Variants in CADPS2 observed in about 807,000 individuals in gnomAD.
CADPS2 encodes calcium dependent secretion activator 2.
CADPS2 carries 93 observed loss-of-function variants against 172.5 expected under a neutral mutation model. The ratio of observed to expected loss-of-function variants is 0.54; its 90% CI spans 0.46 to 0.64. CADPS2 has a LOEUF of 0.64. Among genes scored for constraint, CADPS2 ranks in the 30% least tolerant of loss-of-function variants. CADPS2 has a pLI of 0.00. For missense variants in CADPS2, 1,420 were observed against 1,565.9 expected (o/e 0.91, Z 1.57); for synonymous variants, 546 against 555.2 (o/e 0.98, Z 0.23).
intron 2 of CADPS2, among the ~76,000 whole-genome samples, chr7:122,666,704 G>C (rs2081230136): frequency 6.6e-6 from 1 of 152,052 alleles, no homozygotes; most frequent in Non-Finnish European, 1.5e-5. Flanking sequence ...GGAAGAAAAA[G>C]GGCTCTTCTT....
chr7:122,342,640 T>C (rs2075848004), intron 28 of CADPS2, among the ~76,000 whole-genome samples: 1 of 152,180 alleles, frequency 6.6e-6, no homozygotes, highest in Non-Finnish European at 1.5e-5. Context: ...AGTGAATTTC[T>C]TGAAGAGTTT....
intron 1 of CADPS2, among the ~76,000 whole-genome samples, chr7:122,755,724 G>A (rs1257379763): frequency 6.6e-6 from 1 of 150,430 alleles, no homozygotes; most frequent in Non-Finnish European, 1.5e-5. Flanking sequence ...AAAATTTAGA[G>A]AGGCTAAAAA....
At chr7:122,791,968 C>T (rs908216651) in intron 1 of CADPS2, among the ~76,000 whole-genome samples, 3 of 152,090 alleles carry the variant, frequency 2.0e-5, no homozygotes, top group Admixed American at 6.6e-5. Flanking sequence ...AGTTAAATGG[C>T]TAAATCAGTT....
At chr7:122,424,252 C>G (rs2048874919) in intron 17 of CADPS2, 1 of 794,060 alleles carries the variant, frequency 1.3e-6, no homozygotes, top group Non-Finnish European at 1.5e-6. Context: ...TAATATTCTC[C>G]CGGAATTAAC....
At position 122,508,449 on chromosome 7, in the gene CADPS2, G is replaced by GTTTT. The variant is rs1205155217; in HGVS notation, c.1542+4796_1542+4799dup. On this transcript the variant is annotated intron_variant, in intron 9 of 29. Transcript: ENST00000449022. ...TCCAGTTATTTATTTATTCATTTAA[G>GTTTT]TTTTTTTTTTTTTTTTTTTTTTTTT... 7.0e-4 allele frequency among the ~76,000 whole-genome samples: 48 copies of GTTTT among 68,434 alleles called. 3 individuals are homozygous for GTTTT. The highest frequency in any genetic ancestry group is 1.4e-3 in the African/African-American group (27 of 19,716). 44.9% of individuals were successfully genotyped at this position (68,434 alleles called of 152,430 possible).
At chr7:122,703,724 A>C (rs1221963375) in intron 2 of CADPS2, among the ~76,000 whole-genome samples, 1 of 152,032 alleles carries the variant, frequency 6.6e-6, no homozygotes, top group African/African-American at 2.4e-5. Flanking sequence ...CTTTATGGGG[A>C]AAATGTATTG....
chr7:122,640,412 T>C (rs1162505306), intron 3 of CADPS2, among the ~76,000 whole-genome samples: 2 of 151,738 alleles, frequency 1.3e-5, no homozygotes, highest in African/African-American at 4.8e-5. Context: ...TGAAAATAAT[T>C]ATCTTTCTTT....
intron 8 of CADPS2, among the ~76,000 whole-genome samples, chr7:122,536,824 G>A (rs902781522): frequency 9.9e-5 from 15 of 152,204 alleles, no homozygotes; most frequent in Non-Finnish European, 1.8e-4. Flanking sequence ...GGGGGCCTAA[G>A]CTCTCAAGCT....
chr7:122,842,552 C>T (rs747329428), intron 1 of CADPS2, among the ~76,000 whole-genome samples: 16 of 152,140 alleles, frequency 1.1e-4, no homozygotes, highest in Non-Finnish European at 2.1e-4. Context: ...ATCCAAGTGA[C>T]CAACAATATG....
intron 9 of CADPS2, among the ~76,000 whole-genome samples, chr7:122,503,786 C>T (rs2130538276): frequency 6.6e-6 from 1 of 152,156 alleles, no homozygotes; most frequent in South Asian, 2.1e-4. Flanking sequence ...TTTTTCCAGG[C>T]TTTGGGTACA....
chr7:122,518,799 A>G (rs1399411361), intron 8 of CADPS2, among the ~76,000 whole-genome samples: 1 of 152,100 alleles, frequency 6.6e-6, no homozygotes, highest in Non-Finnish European at 1.5e-5. Flanking sequence ...ATGTTATCCA[A>G]TAAAATAAGT....
chr7:122,370,592 C>T (rs76656268), intron 25 of CADPS2, among the ~76,000 whole-genome samples: 2 of 152,188 alleles, frequency 1.3e-5, no homozygotes, highest in East Asian at 3.9e-4. Context: ...CAGAGACACA[C>T]ACATAACCAT....
At chr7:122,820,373 C>A (rs902179876) in intron 1 of CADPS2, among the ~76,000 whole-genome samples, 1 of 151,954 alleles carries the variant, frequency 6.6e-6, no homozygotes, top group African/African-American at 2.4e-5. Context: ...CTCATAAAAA[C>A]ACACGTGCTC....
chr7:122,630,346 T>C (rs1000233652), intron 3 of CADPS2, among the ~76,000 whole-genome samples: 16 of 149,690 alleles, frequency 1.1e-4, no homozygotes, highest in Non-Finnish European at 5.9e-5. Context: ...ATTAACAGGA[T>C]AGTGGTGGTA....
At chr7:122,736,049 A>G (rs2092127380) in intron 2 of CADPS2, among the ~76,000 whole-genome samples, 1 of 152,194 alleles carries the variant, frequency 6.6e-6, no homozygotes, top group South Asian at 2.1e-4. Flanking sequence ...ATATTTAGTC[A>G]GCAAAACTTC....
At chr7:122,323,876 TATA>T (rs1420432058) in intron 29 of CADPS2, among the ~76,000 whole-genome samples, 1,357 of 17,644 alleles carry the variant, frequency 0.077, 40 homozygotes, top group Non-Finnish European at 0.094. Flanking sequence ...GTATATTTTA[TATA>T]TATATATATA....
At chr7:122,830,550 G>A (rs911285453) in intron 1 of CADPS2, among the ~76,000 whole-genome samples, 21 of 152,126 alleles carry the variant, frequency 1.4e-4, no homozygotes, top group African/African-American at 1.4e-4. Context: ...CATATATAGC[G>A]CATTAGCAAA....
chr7:122,563,273 C>T (rs767864636), intron 7 of CADPS2, among the ~76,000 whole-genome samples: 7 of 152,134 alleles, frequency 4.6e-5, no homozygotes, highest in Non-Finnish European at 4.4e-5. Flanking sequence ...ATAACCTTTA[C>T]ATTACTTTAT....
chr7:122,414,334 T>G (rs1298773898), intron 18 of CADPS2, among the ~76,000 whole-genome samples: 1 of 152,200 alleles, frequency 6.6e-6, no homozygotes, highest in Non-Finnish European at 1.5e-5. Flanking sequence ...ATAATTAACA[T>G]TTAATTTTTA....
Sources: gnomAD v4.1 joint callset for allele counts (sites outside exome capture counted in the v4.1 genomes callset) on GRCh38, gnomAD v4.1.1 for gene constraint, MANE v1.5 for transcripts, NCBI Gene and HGNC (gene_info 2026-07-23, HGNC 2026-07-21) for gene names.